SASS6: variants seen among roughly 807,000 people sequenced by gnomAD.
The protein encoded by SASS6 is spindle assembly abnormal protein 6 homolog.
A neutral mutation model predicts 94.9 loss-of-function variants in SASS6; 59 were observed. The ratio of observed to expected loss-of-function variants is 0.62; its 90% CI spans 0.50 to 0.77. The LOEUF (loss-of-function observed/expected upper bound fraction) is 0.77. Among genes scored for constraint, SASS6 ranks in the 30% least tolerant of loss-of-function variants. SASS6 has a pLI of 0.00. For missense variants in SASS6, 698 were observed against 734.1 expected, an observed-to-expected ratio of 0.95 and a Z score of 0.57; for synonymous variants, 264 against 270.0, an observed-to-expected ratio of 0.98 and a Z score of 0.22.
At chr1:100,122,548 C>CTT in intron 3 of SASS6, 64 bp from the exon 4 acceptor site, 4 of 390,242 alleles carry the variant, frequency 1.0e-5, no homozygotes, top group Admixed American at 1.3e-4. Flanking sequence ...TGTTTTGGTG[C>CTT]CTTTTTTTTT....
intron 7 of SASS6, among the ~76,000 whole-genome samples, chr1:100,115,443 A>T (rs1392787513): frequency 4.6e-5 from 7 of 152,198 alleles, no homozygotes; most frequent in Admixed American, 3.9e-4. Flanking sequence ...TAATAAATGA[A>T]GAGATACATC....
In SASS6 at chr1:100,121,554, G is replaced by T; in HGVS notation, c.312-5C>A. The T allele has an allele frequency of 6.5e-7, 1 of 1,538,218 alleles. No individual in the cohort carries two copies. The highest frequency in any genetic ancestry group is 8.9e-7 in the Non-Finnish European group (1 of 1,122,784). On this transcript the variant is annotated splice_polypyrimidine_tract_variant and splice_region_variant and intron_variant, in intron 4 of 16. Coordinates refer to ENST00000287482, the MANE Select transcript of SASS6 (RefSeq NM_194292.3). ...GAAACTAACTGTAGCAAAAACCTTT[G>T]AAAAGAAAATGTTACATTATAACAC...
At chr1:100,099,035 C>T (rs1222257531) in intron 14 of SASS6, among the ~76,000 whole-genome samples, 2 of 152,176 alleles carry the variant, frequency 1.3e-5, no homozygotes. Context: ...TTGTACCTTT[C>T]AAAGCTTCCC....
At chr1:100,126,744 C>T (rs890657006) in intron 1 of SASS6, among the ~76,000 whole-genome samples, 3 of 152,046 alleles carry the variant, frequency 2.0e-5, no homozygotes, top group Non-Finnish European at 2.9e-5. Context: ...CCACTGCACA[C>T]CAGCCTGGGC....
chr1:100,109,754 T>G (rs1653163469), intron 8 of SASS6, among the ~76,000 whole-genome samples: 1 of 152,066 alleles, frequency 6.6e-6, no homozygotes, highest in Non-Finnish European at 1.5e-5. Context: ...CTTAGTTTCA[T>G]CATCTGTAAA....
chr1:100,104,247 C>T (rs1652714746), intron 13 of SASS6, among the ~76,000 whole-genome samples: 1 of 152,180 alleles, frequency 6.6e-6, no homozygotes, highest in Non-Finnish European at 1.5e-5. Context: ...ATATTTTTGT[C>T]TGTATTCAGG....
intron 14 of SASS6, among the ~76,000 whole-genome samples, chr1:100,090,751 A>G (rs758725076): frequency 7.9e-5 from 12 of 152,114 alleles, no homozygotes; most frequent in Non-Finnish European, 1.8e-4. Flanking sequence ...ACCTAGGCCT[A>G]TATTTTCTAG....
chr1:100,132,724 C>T (rs776646632), intron 1 of SASS6, 26 bp downstream of exon 1: 1 of 1,601,002 alleles, frequency 6.2e-7, no homozygotes. Flanking sequence ...CCGCCACCCG[C>T]GGGCACTGGA....
intron 1 of SASS6, among the ~76,000 whole-genome samples, chr1:100,127,832 G>T (rs959729441): frequency 6.6e-6 from 1 of 151,704 alleles, no homozygotes; most frequent in Non-Finnish European, 1.5e-5. Flanking sequence ...GTGGTGGGGT[G>T]GGGGAGGGGG....
chr1:100,125,803 G>T (rs369478113), intron 2 of SASS6, 79 bp downstream of exon 2: 13 of 778,276 alleles, frequency 1.7e-5, no homozygotes, highest in South Asian at 3.2e-5. Flanking sequence ...TGCAATAAAA[G>T]ATGTCACATT....
chr1:100,117,238 GC>G (rs1653857256), intron 7 of SASS6, among the ~76,000 whole-genome samples: 1 of 150,104 alleles, frequency 6.7e-6, no homozygotes, highest in African/African-American at 2.5e-5. Context: ...GTTGCAATGA[GC>G]CAAATCATGC....
At chr1:100,089,185 A>C (rs1651513476) in intron 14 of SASS6, among the ~76,000 whole-genome samples, 1 of 152,174 alleles carries the variant, frequency 6.6e-6, no homozygotes, top group Non-Finnish European at 1.5e-5. Context: ...GAAAAGACTA[A>C]TAAACTTTAA....
At position 100,083,638 on chromosome 1, in the gene SASS6, T is replaced by C. The variant is rs1265508368; in HGVS notation, c.*1690A>G. 1 of 152,092 alleles carries C rather than the reference T, an allele frequency of 6.6e-6. No individual in the cohort carries two copies. The highest frequency in any genetic ancestry group is 2.4e-5 in the African/African-American group (1 of 41,450). 9.4% of individuals were successfully genotyped at this position (152,092 alleles called of 1,614,324 possible). A position where few individuals can be genotyped will look rare whatever the true frequency, so the allele number is the denominator to read the frequency against. ...GAAATAACATTAAATGCAACACTTT[T>C]TGATTATTAACACATGTACAATTTT... On this transcript the variant is annotated 3_prime_UTR_variant, in exon 17 of 17. Transcript: ENST00000287482.
In SASS6 at chr1:100,088,223, A is replaced by G; in HGVS notation, c.1688T>C (p.Leu563Ser). 1.3e-6 allele frequency: 2 copies of G among 1,578,034 alleles called. No individual in the cohort carries two copies. Among genetic ancestry groups the G allele is most frequent in the Non-Finnish European group, 1.7e-6 (2 of 1,147,654 alleles). Residue 563 changes from leucine (L) to serine (S), a missense_variant, in exon 15 of 17, where the codon TTG becomes TCG. Transcript: ENST00000287482. ...PGSGTKVQFN[L>S]QFTKPNASLG... ...TGATGCATTTGGTTTTGTAAACTGCAAATTAAACTGAACCTGTGAGAAGGA... is the reference window on the plus strand; with the variant it reads ...TGATGCATTTGGTTTTGTAAACTGCGAATTAAACTGAACCTGTGAGAAGGA...
intron 14 of SASS6, among the ~76,000 whole-genome samples, chr1:100,094,366 C>A (rs955125648): frequency 5.9e-5 from 9 of 152,042 alleles, no homozygotes; most frequent in African/African-American, 2.2e-4. Flanking sequence ...CTGGAAAATT[C>A]TACCAAACAT....
intron 3 of SASS6, 75 bp downstream of exon 3, chr1:100,123,116 AATATGTAGGTATGTGTTTG>A (rs1654325701): frequency 1.7e-6 from 1 of 581,736 alleles, no homozygotes; most frequent in Non-Finnish European, 3.1e-6. Flanking sequence ...AACTAAATCT[AATATGTAGGTATGTGTTTG>A]AAAGAGAACA....
intron 14 of SASS6, among the ~76,000 whole-genome samples, chr1:100,101,681 T>C (rs549797797): frequency 1.3e-5 from 2 of 152,284 alleles, no homozygotes; most frequent in African/African-American, 4.8e-5. Context: ...AATAAAACAA[T>C]AGACATTCCT....
At chr1:100,086,486 TA>T (rs1249130623) in intron 15 of SASS6, among the ~76,000 whole-genome samples, 1 of 151,554 alleles carries the variant, frequency 6.6e-6, no homozygotes, top group Non-Finnish European at 1.5e-5. Context: ...TTTCTGCTAG[TA>T]AAATTGCTCT....
intron 2 of SASS6, 151 bp from the exon 3 acceptor site, chr1:100,123,440 T>A: frequency 2.0e-6 from 1 of 503,106 alleles, no homozygotes. Flanking sequence ...TTTTTATTAG[T>A]CTTTAGAGAG....
Sources: allele counts gnomAD v4.1 joint callset (sites outside exome capture counted in the v4.1 genomes callset), GRCh38; gene constraint gnomAD v4.1.1; transcripts MANE v1.5; gene names NCBI Gene and HGNC (gene_info 2026-07-23, HGNC 2026-07-21).